The following BMPR1A variants were observed in gnomAD, a reference collection of about 807,000 sequenced individuals.
BMPR1A encodes the protein bone morphogenetic protein receptor type-1A.
In BMPR1A, 7 loss-of-function variants were observed where a neutral mutation model predicts 66.0. The observed-to-expected ratio is 0.11, with a 90% confidence interval of 0.06 to 0.20. BMPR1A has a LOEUF of 0.20. BMPR1A is among the 10% of genes least tolerant of loss of function. The pLI, the probability that BMPR1A is intolerant of heterozygous loss-of-function variation, is 1.00. For synonymous variants in BMPR1A, 200 were observed against 229.7 expected, an observed-to-expected ratio of 0.87 and a Z score of 1.17; for missense variants, 408 against 669.1, an observed-to-expected ratio of 0.61 and a Z score of 4.31.
chr10:86,824,081 T>TTG (rs71477609), intron 1 of BMPR1A, among the ~76,000 whole-genome samples: 6,867 of 94,102 alleles, frequency 0.073, 175 homozygotes, highest in East Asian at 0.2. Context: ...TTACCAAGGG[T>TTG]TGTGTGTGTG....
chr10:86,793,744 A>T (rs1004793209), intron 1 of BMPR1A, among the ~76,000 whole-genome samples: 2 of 151,290 alleles, frequency 1.3e-5, no homozygotes, highest in Admixed American at 6.6e-5. Flanking sequence ...CCATACTTTT[A>T]GTGGTTTATA....
At chr10:86,778,258 T>C (rs1284777579) in intron 1 of BMPR1A, among the ~76,000 whole-genome samples, 3 of 152,020 alleles carry the variant, frequency 2.0e-5, no homozygotes, top group Non-Finnish European at 2.9e-5. Context: ...GCTCATCAGC[T>C]ATCATTAGTG....
At chr10:86,802,070 G>A (rs1483976769) in intron 1 of BMPR1A, among the ~76,000 whole-genome samples, 1 of 151,994 alleles carries the variant, frequency 6.6e-6, no homozygotes, top group Non-Finnish European at 1.5e-5. Context: ...GGCCATTTTT[G>A]TCTGCGTCGT....
At chr10:86,799,611 G>A (rs1332152752) in intron 1 of BMPR1A, among the ~76,000 whole-genome samples, 1 of 151,052 alleles carries the variant, frequency 6.6e-6, no homozygotes, top group South Asian at 2.1e-4. Context: ...GAGTGAAGTG[G>A]TGTGATCTTG....
chr10:86,915,811 TTTAG>T (rs1843560582), intron 8 of BMPR1A, among the ~76,000 whole-genome samples: 1 of 152,208 alleles, frequency 6.6e-6, no homozygotes, highest in African/African-American at 2.4e-5. Flanking sequence ...TCTAGTCCAT[TTTAG>T]AAGCATTTCC....
Position 86,762,975 on chromosome 10 carries a change from C to T in BMPR1A, c.-268+6056C>T, listed in dbSNP as rs976672187. ...GCAGTGGCGTGATCTTGGCTCACTG[C>T]AACCTCTACCTCCCGGGTTAAGCGA... On this transcript the variant is annotated intron_variant, in intron 1 of 12. Transcript: ENST00000372037. 2.6e-5 allele frequency among the ~76,000 whole-genome samples: 4 copies of T among 152,264 alleles called. No individual in the cohort carries two copies. In the South Asian group the frequency reaches 8.3e-4, roughly 32 times the overall value.
chr10:86,767,854 C>T (rs186774405), intron 1 of BMPR1A, among the ~76,000 whole-genome samples: 67 of 152,198 alleles, frequency 4.4e-4, no homozygotes, highest in African/African-American at 4.1e-4. Context: ...GGTCTCTTGT[C>T]GCTGGAGAGA....
chr10:86,866,176 C>T (rs987560775), intron 2 of BMPR1A, among the ~76,000 whole-genome samples: 2 of 151,936 alleles, frequency 1.3e-5, no homozygotes, highest in Non-Finnish European at 2.9e-5. Context: ...CAGCAGCATC[C>T]CAGCTCCAGC....
chr10:86,891,128 C>T (rs1475784828), intron 4 of BMPR1A, among the ~76,000 whole-genome samples: 2 of 152,168 alleles, frequency 1.3e-5, no homozygotes, highest in East Asian at 1.9e-4. Context: ...ACCTGCATGA[C>T]GGTCATCGTG....
intron 1 of BMPR1A, among the ~76,000 whole-genome samples, chr10:86,825,058 T>C (rs1202748439): frequency 6.6e-6 from 1 of 151,848 alleles, no homozygotes; most frequent in East Asian, 1.9e-4. Context: ...TTAGAAATAA[T>C]AGGACATTTA....
At chr10:86,796,665 C>T (rs1841716079) in intron 1 of BMPR1A, among the ~76,000 whole-genome samples, 1 of 151,922 alleles carries the variant, frequency 6.6e-6, no homozygotes, top group Admixed American at 6.6e-5. Flanking sequence ...CAACTTCCCC[C>T]TCCTAGGCTC....
intron 1 of BMPR1A, among the ~76,000 whole-genome samples, chr10:86,791,447 C>T (rs1176050307): frequency 6.6e-6 from 1 of 151,886 alleles, no homozygotes; most frequent in Admixed American, 6.6e-5. Flanking sequence ...CTCCTCACCT[C>T]GTGATGTCCC....
At chr10:86,832,628 C>A (rs1001438909) in intron 1 of BMPR1A, among the ~76,000 whole-genome samples, 1 of 152,194 alleles carries the variant, frequency 6.6e-6, no homozygotes, top group Non-Finnish European at 1.5e-5. Context: ...TTTTCTGTCT[C>A]TAAATTTGCT....
At chr10:86,835,126 T>G (rs913881738) in intron 1 of BMPR1A, among the ~76,000 whole-genome samples, 6 of 151,874 alleles carry the variant, frequency 4.0e-5, no homozygotes, top group African/African-American at 1.5e-4. Flanking sequence ...TGCTGGCTAC[T>G]TGGGAGGCTA....
In BMPR1A at chr10:86,848,097, A is replaced by G. The variant is rs963982644; in HGVS notation, c.-153+9118A>G. Among the ~76,000 whole-genome samples the G allele has an allele frequency of 5.9e-5, 9 of 151,844 alleles. No individual in the cohort carries two copies. In the East Asian group the frequency reaches 1.2e-3, roughly 20 times the overall value. On this transcript the variant is annotated intron_variant, in intron 2 of 12. Transcript: ENST00000372037. The stretch of plus-strand genomic sequence containing the variant: ...CAGGCGCCTGCCACCACACCTGGCT[A>G]AAGTTTTGTAGTTTTAGTAGAGATG...
chr10:86,760,723 A>G (rs1365569559), intron 1 of BMPR1A, among the ~76,000 whole-genome samples: 1 of 152,152 alleles, frequency 6.6e-6, no homozygotes, highest in Non-Finnish European at 1.5e-5. Flanking sequence ...AGAAAGGAAA[A>G]TGGGTTTCCT....
At position 86,906,673 on chromosome 10, in the gene BMPR1A, G is replaced by C. The variant is rs1341653189; in HGVS notation, c.531-5567G>C. Among the ~76,000 whole-genome samples, 2 of 35,038 alleles carry C rather than the reference G, an allele frequency of 5.7e-5. 1 individual carries two copies. The highest frequency in any genetic ancestry group is 8.0e-5 in the Non-Finnish European group (2 of 25,148). The allele number at this position is 35,038 out of a possible 152,430, so 23.0% of individuals were successfully genotyped here. A position where few individuals can be genotyped will look rare whatever the true frequency, so the allele number is the denominator to read the frequency against. ...CGGGAGGCGGAGCTTGCAGTGAGCCGACATCGCGCCACTGCACTCCAGCCT... is the reference window on the plus strand; with the variant it reads ...CGGGAGGCGGAGCTTGCAGTGAGCCCACATCGCGCCACTGCACTCCAGCCT... On this transcript the variant is annotated intron_variant, in intron 7 of 12. Transcript: ENST00000372037.
intron 8 of BMPR1A, among the ~76,000 whole-genome samples, chr10:86,913,911 A>G (rs928786829): frequency 2.6e-5 from 4 of 152,224 alleles, no homozygotes; most frequent in African/African-American, 9.6e-5. Context: ...TGTATATTCT[A>G]ACATTTATAT....
chr10:86,761,999 T>G (rs1841067450), intron 1 of BMPR1A, among the ~76,000 whole-genome samples: 1 of 152,152 alleles, frequency 6.6e-6, no homozygotes. Context: ...TGGGAGTCAT[T>G]GCTGTATAGA....
Sources: gnomAD v4.1 joint callset for allele counts (sites outside exome capture counted in the v4.1 genomes callset) on GRCh38, gnomAD v4.1.1 for gene constraint, MANE v1.5 for transcripts, NCBI Gene and HGNC (gene_info 2026-07-23, HGNC 2026-07-21) for gene names.